Variants in CDK15 observed in about 807,000 individuals in gnomAD.
CDK15 encodes the protein cyclin-dependent kinase 15.
CDK15 carries 62 observed loss-of-function variants against 60.3 expected under a neutral mutation model. That is an observed-to-expected ratio of 1.03 (90% confidence interval 0.84 to 1.27). The LOEUF is 1.27. Among genes scored for constraint, CDK15 ranks in the 50% most tolerant of loss-of-function variants. The pLI is 0.00. For missense variants in CDK15, 541 were observed against 527.8 expected (o/e 1.03, Z -0.25); for synonymous variants, 194 against 195.7 (o/e 0.99, Z 0.07).
intron 13 of CDK15, among the ~76,000 whole-genome samples, chr2:201,891,255 G>A (rs549694339): frequency 9.7e-4 from 148 of 152,308 alleles, no homozygotes; most frequent in Non-Finnish European, 1.8e-3. Context: ...AGCCAAGATC[G>A]CACCACTGCA....
At chr2:201,806,883 G>C in intron 1 of CDK15, 96 bp downstream of exon 1, 1 of 1,329,564 alleles carries the variant, frequency 7.5e-7, no homozygotes, top group South Asian at 1.7e-5. Flanking sequence ...TTCTGCGGTA[G>C]GTCTAAACCA....
chr2:201,844,678 G>A, intron 8 of CDK15, among the ~76,000 whole-genome samples: 1 of 152,270 alleles, frequency 6.6e-6, no homozygotes, highest in Non-Finnish European at 1.5e-5. Context: ...AATAGGCCAA[G>A]CGTGTGGTGG....
rs1295268439 is a variant in CDK15, at chr2:201,855,062, C to T, written c.1009+125C>T. 4 of 770,708 alleles carry T rather than the reference C, an allele frequency of 5.2e-6. No homozygotes were observed. In the East Asian group the frequency reaches 1.0e-4, roughly 20 times the overall value. The allele number at this position is 770,708 out of a possible 1,614,324, so 47.7% of individuals were successfully genotyped here. ...AAAGATGGGTGTAGAGGAATTTCTA[C>T]ATTCATATATTCCCTGACTAATCTT... is the stretch of plus-strand genomic sequence containing the variant. On this transcript the variant is annotated intron_variant, in intron 10 of 13. Transcript: ENST00000652192.
intron 4 of CDK15, among the ~76,000 whole-genome samples, chr2:201,820,942 A>C (rs551476174): frequency 3.9e-5 from 6 of 152,326 alleles, no homozygotes; most frequent in Admixed American, 2.0e-4. Context: ...CCTTCGGCGT[A>C]AGTCAGCTTA....
chr2:201,846,802 G>A (rs768334498), intron 8 of CDK15, among the ~76,000 whole-genome samples: 1 of 152,150 alleles, frequency 6.6e-6, no homozygotes, highest in Non-Finnish European at 1.5e-5. Context: ...AGACATCAAA[G>A]AGTCTGAGTC....
upstream of CDK15, chr2:201,806,528 G>A: frequency 1.0e-6 from 1 of 999,982 alleles, no homozygotes; most frequent in Non-Finnish European, 1.4e-6. Context: ...TTGTGAGGCT[G>A]CTCCAGGCAG....
chr2:201,812,974 G>A (rs938765951), intron 4 of CDK15, among the ~76,000 whole-genome samples: 1 of 152,188 alleles, frequency 6.6e-6, no homozygotes, highest in Non-Finnish European at 1.5e-5. Flanking sequence ...CAGAAGGCAT[G>A]CATGTTTAGT....
At chr2:201,851,744 C>T (rs1384722873) in intron 9 of CDK15, among the ~76,000 whole-genome samples, 1 of 152,242 alleles carries the variant, frequency 6.6e-6, no homozygotes, top group East Asian at 1.9e-4. Context: ...ATTGCAACCT[C>T]CACCTCCTGG....
intron 11 of CDK15, 62 bp downstream of exon 11, chr2:201,872,388 C>T: frequency 6.5e-7 from 1 of 1,548,540 alleles, no homozygotes. Context: ...AGAGACATTT[C>T]CCTGGATCTC....
At chr2:201,848,506 C>T (rs548244877) in intron 9 of CDK15, among the ~76,000 whole-genome samples, 5 of 152,252 alleles carry the variant, frequency 3.3e-5, no homozygotes, top group Non-Finnish European at 7.4e-5. Flanking sequence ...TCTCTATCAT[C>T]CCTAAGGGAA....
At chr2:201,864,686 C>G (rs1698543465) in intron 10 of CDK15, among the ~76,000 whole-genome samples, 1 of 152,174 alleles carries the variant, frequency 6.6e-6, no homozygotes, top group South Asian at 2.1e-4. Context: ...CAGGCATGAG[C>G]CACTGTGCCC....
chr2:201,838,595 CAG>C (rs1697228883), intron 8 of CDK15, among the ~76,000 whole-genome samples: 1 of 151,724 alleles, frequency 6.6e-6, no homozygotes, highest in South Asian at 2.1e-4. Flanking sequence ...AGTGTAGAGA[CAG>C]AGTCTCACTT....
rs975421387 is a variant in CDK15, at chr2:201,861,158, A to G, written c.1009+6221A>G. 3.6e-5 allele frequency: 37 copies of G among 1,026,796 alleles called. No individual in the cohort carries two copies. In the South Asian group the frequency reaches 8.9e-4, roughly 25 times the overall value. The allele number at this position is 1,026,796 out of a possible 1,614,324, so 63.6% of individuals were successfully genotyped here. On this transcript the variant is annotated intron_variant, in intron 10 of 13. Transcript: ENST00000652192. ...GCTCCCCCTTTTACTATCTGGGGTA[A>G]CTTGAGGAAGTTACTTATTTCCTAG...
At chr2:201,889,606 G>A (rs760014868) in intron 12 of CDK15, 9 of 185,536 alleles carry the variant, frequency 4.9e-5, no homozygotes, top group Non-Finnish European at 8.1e-5. Flanking sequence ...GGAGTAGCAA[G>A]CACTTAACAA....
chr2:201,824,500 A>G (rs1490905155), intron 6 of CDK15: 1 of 215,120 alleles, frequency 4.6e-6, no homozygotes, highest in Non-Finnish European at 9.7e-6. Flanking sequence ...ATGAACTTAA[A>G]TAGGCAGTGA....
intron 7 of CDK15, among the ~76,000 whole-genome samples, chr2:201,835,401 A>C (rs997028677): frequency 2.8e-4 from 42 of 152,234 alleles, no homozygotes; most frequent in African/African-American, 9.4e-4. Context: ...CATATAGGCA[A>C]GAACTTAGTC....
chr2:201,875,293 C>T (rs1359531811), intron 11 of CDK15, among the ~76,000 whole-genome samples: 1 of 152,064 alleles, frequency 6.6e-6, no homozygotes, highest in African/African-American at 2.4e-5. Flanking sequence ...AATTTATTAT[C>T]CTTGCCCACA....
At chr2:201,884,842 A>G (rs741308) in intron 12 of CDK15, among the ~76,000 whole-genome samples, 4,054 of 152,318 alleles carry the variant, frequency 0.027, 180 homozygotes, top group African/African-American at 0.093. Flanking sequence ...ATTAAAGGAT[A>G]CAAAAATGAA....
At position 201,847,377 on chromosome 2, in the gene CDK15, C is replaced by T. The variant is rs2105774711; in HGVS notation, c.852-4C>T. 1.9e-6 allele frequency: 3 copies of T among 1,612,240 alleles called. No individual in the cohort carries two copies. The highest frequency in any genetic ancestry group is 2.5e-6 in the Non-Finnish European group (3 of 1,179,062). ...TGTCAATTTACTCTTATTTCATTTG[C>T]TAGGGGTGCAGGCTGCATCTTTATT... On this transcript the variant is annotated splice_polypyrimidine_tract_variant and splice_region_variant and intron_variant, in intron 8 of 13. Transcript: ENST00000652192.
Sources: gnomAD v4.1 joint callset for allele counts (sites outside exome capture counted in the v4.1 genomes callset) on GRCh38, gnomAD v4.1.1 for gene constraint, MANE v1.5 for transcripts, NCBI Gene and HGNC (gene_info 2026-07-23, HGNC 2026-07-21) for gene names.